The following CUL3 variants were observed in gnomAD, a reference collection of about 807,000 sequenced individuals.
CUL3 encodes cullin 3.
A neutral mutation model predicts 89.1 loss-of-function variants in CUL3; 19 were observed. That is an observed-to-expected ratio of 0.21 (90% CI 0.15 to 0.31). CUL3 has a LOEUF of 0.31. Ranked by LOEUF, CUL3 falls within the 10% of genes least tolerant of loss-of-function variation. The probability of loss-of-function intolerance (pLI) is 1.00; values close to 1 mark genes in which losing one functional copy is unlikely to be tolerated. For synonymous variants in CUL3, 351 were observed against 308.4 expected (o/e 1.14, Z -1.45); for missense variants, 469 against 942.3 (o/e 0.50, Z 6.58).
At chr2:224,571,458 A>T (rs915382181) in intron 1 of CUL3, among the ~76,000 whole-genome samples, 5 of 152,164 alleles carry the variant, frequency 3.3e-5, no homozygotes, top group African/African-American at 1.2e-4. Context: ...AATTGATTGT[A>T]CCTAAATCAA....
At chr2:224,566,061 T>C (rs190173406) in intron 1 of CUL3, among the ~76,000 whole-genome samples, 26 of 152,342 alleles carry the variant, frequency 1.7e-4, no homozygotes, top group Admixed American at 1.6e-3. Flanking sequence ...AAGGTCCTTA[T>C]TGACCCCCCA....
intron 10 of CUL3, among the ~76,000 whole-genome samples, chr2:224,502,063 A>G (rs1692412915): frequency 6.6e-6 from 1 of 152,220 alleles, no homozygotes; most frequent in Non-Finnish European, 1.5e-5. Context: ...GTAAACACTG[A>G]TATTTATAAA....
intron 1 of CUL3, among the ~76,000 whole-genome samples, chr2:224,559,911 A>C (rs1255825465): frequency 6.6e-6 from 1 of 152,040 alleles, no homozygotes; most frequent in African/African-American, 2.4e-5. Context: ...GCAAAAACCC[A>C]TCTCTACTAA....
At chr2:224,579,339 C>G (rs138646050) in intron 1 of CUL3, among the ~76,000 whole-genome samples, 1,692 of 152,264 alleles carry the variant, frequency 0.011, 12 homozygotes, top group Middle Eastern at 0.027. Flanking sequence ...TCAGTGTGAT[C>G]TGCAAGACTA....
chr2:224,569,852 G>T, intron 1 of CUL3: 1 of 990,742 alleles, frequency 1.0e-6, no homozygotes, highest in South Asian at 4.3e-5. Flanking sequence ...CAGGGTGGGT[G>T]GGGGAAAGGG....
intron 1 of CUL3, among the ~76,000 whole-genome samples, chr2:224,565,217 A>C (rs576504007): frequency 6.6e-6 from 1 of 152,336 alleles, no homozygotes; most frequent in East Asian, 1.9e-4. Context: ...TACACACCGT[A>C]TTCTTAGAAT....
chr2:224,511,817 A>G (rs1692836953), intron 5 of CUL3, among the ~76,000 whole-genome samples: 1 of 152,164 alleles, frequency 6.6e-6, no homozygotes, highest in African/African-American at 2.4e-5. Flanking sequence ...TGTTTTTCAA[A>G]CTGTGCCAAT....
At position 224,503,939 on chromosome 2, in the gene CUL3, A is replaced by T; in HGVS notation, c.1207-117T>A. 10 of 749,268 alleles carry T rather than the reference A, an allele frequency of 1.3e-5. No individual in the cohort carries two copies. In the South Asian group the frequency reaches 2.5e-4, roughly 19 times the overall value. The allele number at this position is 749,268 out of a possible 1,614,324, so 46.4% of individuals were successfully genotyped here. On this transcript the variant is annotated intron_variant, in intron 8 of 15. Coordinates refer to ENST00000264414, the MANE Select transcript of CUL3 (RefSeq NM_003590.5). Reference sequence around the variant, plus strand: ...GAAAACATAGATATCTGGTTGACATACATCAAAAAAAGGGATACGGTTTGA... The same window carrying T: ...GAAAACATAGATATCTGGTTGACATTCATCAAAAAAAGGGATACGGTTTGA...
In CUL3 at chr2:224,584,990, C is replaced by A. The variant is rs1695545965; in HGVS notation, c.20G>T (p.Gly7Val). The A allele has an allele frequency of 6.6e-7, 1 of 1,510,566 alleles. No homozygotes were observed. 93.6% of individuals were successfully genotyped at this position (1,510,566 alleles called of 1,614,324 possible). A position where few individuals can be genotyped will look rare whatever the true frequency, so the allele number is the denominator to read the frequency against. Reference sequence around the variant, plus strand: ...CTTGGTGTCCTTCCGGCTGCCCGTGCCTTTGCTCAGATTCGACATGGTGCT... The same window carrying A: ...CTTGGTGTCCTTCCGGCTGCCCGTGACTTTGCTCAGATTCGACATGGTGCT... MSNLSK[G>V]TGSRKDTKMR... Residue 7 changes from glycine to valine, a missense_variant, in exon 1 of 16, where the codon GGC (glycine) becomes GTC (valine). Physicochemically the swap from Gly to Val is moderately radical, Grantham distance 109. Around this residue, in one of 4 missense-constraint regions of CUL3, gnomAD observed 32 missense variants for 29.7 expected, o/e 1.08. Coordinates refer to ENST00000264414, the MANE Select transcript of CUL3 (RefSeq NM_003590.5).
rs1268356291 is a variant in CUL3 at position 224,503,505 on chromosome 2, T to C, written c.1377+147A>G. The stretch of plus-strand genomic sequence containing the variant: ...TGAACTTGAACAAATGTTAGTGTAG[T>C]CTGTGTTCTTCTCCAAAACAATCTA... On this transcript the variant is annotated intron_variant, in intron 9 of 15. Coordinates refer to ENST00000264414, the MANE Select transcript of CUL3 (RefSeq NM_003590.5). 3 of 694,458 alleles carry C rather than the reference T, an allele frequency of 4.3e-6. No homozygotes were observed. In the Admixed American group the frequency reaches 1.1e-4, roughly 25 times the overall value. The allele number at this position is 694,458 out of a possible 1,614,324, so 43.0% of individuals were successfully genotyped here.
In CUL3 at chr2:224,535,635, C is replaced by T. The variant is rs763393047; in HGVS notation, c.271G>A (p.Glu91Lys). The change falls in exon 3 of 16, where the codon GAA becomes AAA. Residue 91 changes from glutamate (E) to lysine (K), a missense_variant. This residue lies in a region of CUL3 where 370 missense variants were observed against 733.2 expected (regional missense o/e 0.50). Transcript: ENST00000264414. ...VTEHLINKVR[E>K]DVLNSLNNNF... ...TTATTCAATGAATTTAGTACATCTT[C>T]TCGCACCTAGTAACAGAAGAGTTCA... 4.3e-6 allele frequency: 7 copies of T among 1,609,270 alleles called. No individual in the cohort carries two copies. In the South Asian group the frequency reaches 6.6e-5, roughly 15 times the overall value.
intron 13 of CUL3, among the ~76,000 whole-genome samples, chr2:224,493,776 T>C (rs1692070043): frequency 6.6e-6 from 1 of 152,178 alleles, no homozygotes; most frequent in African/African-American, 2.4e-5. Context: ...TTGTTTAAAA[T>C]ATTTTATCCA....
At chr2:224,572,713 T>A (rs1695210145) in intron 1 of CUL3, among the ~76,000 whole-genome samples, 1 of 149,816 alleles carries the variant, frequency 6.7e-6, no homozygotes, top group Non-Finnish European at 1.5e-5. Flanking sequence ...TGGGATTAGG[T>A]GGCCTTATAA....
chr2:224,513,777 T>A, intron 4 of CUL3, 139 bp from the exon 5 acceptor site: 3 of 579,380 alleles, frequency 5.2e-6, no homozygotes, highest in East Asian at 3.1e-5. Context: ...AGGCCACTCA[T>A]GTAAAACGAA....
chr2:224,482,105 T>C (rs1329776377), intron 13 of CUL3, 27 bp from the exon 14 acceptor site: 3 of 1,556,188 alleles, frequency 1.9e-6, no homozygotes, highest in African/African-American at 1.4e-5. Context: ...TTAACATAAT[T>C]AGACTTTTTG....
chr2:224,490,619 T>C (rs746961744), intron 13 of CUL3, among the ~76,000 whole-genome samples: 17 of 151,498 alleles, frequency 1.1e-4, no homozygotes, highest in Admixed American at 4.0e-4. Context: ...GGCTGGACCC[T>C]ACAGGGTGAT....
Position 224,514,716 on chromosome 2 carries a change from A to T in CUL3, c.435T>A (p.Ile145=), listed in dbSNP as rs1559159556. Residue 145 remains isoleucine (I), a synonymous_variant, in exon 4 of 16, where the codon ATT becomes ATA. Transcript: ENST00000264414. ...AACGTACAACTTGATCTCGAAAAAT[A>T]ATTAATCCCAAATTGTAGACGTTCT... ...NVENVYNLGL[I]IFRDQVVRYG... is the part of the protein sequence containing the mutation. The T allele has an allele frequency of 6.2e-7, 1 of 1,613,362 alleles. No homozygotes were observed. Among genetic ancestry groups the T allele is most frequent in the Admixed American group, 1.7e-5 (1 of 60,010 alleles).
intron 2 of CUL3, among the ~76,000 whole-genome samples, chr2:224,538,859 C>A (rs1014257485): frequency 7.9e-5 from 12 of 152,106 alleles, no homozygotes; most frequent in African/African-American, 2.9e-4. Context: ...ATTAGAGTCA[C>A]CCGAAGAGCT....
In CUL3 at chr2:224,497,834, T is replaced by C. The variant is rs1692223002; in HGVS notation, c.1626A>G (p.Lys542=). The part of the protein sequence containing the change: ...FEIFRRFYLA[K]HSGRQLTLQH... ...GGAGTGTGAGCTGTCGACCACTGTG[T>C]TTGGCTAAGTAGAACCTTCAGTAAA... The change falls in exon 12 of 16, where the codon AAA becomes AAG. Residue 542 remains lysine, a synonymous_variant. Transcript: ENST00000264414. The C allele has an allele frequency of 1.2e-6, 2 of 1,613,714 alleles. No individual in the cohort carries two copies. The highest frequency in any genetic ancestry group is 1.7e-6 in the Non-Finnish European group (2 of 1,179,748).
Sources: gnomAD v4.1 joint callset for allele counts (sites outside exome capture counted in the v4.1 genomes callset) on GRCh38, gnomAD v4.1.1 for gene constraint, gnomAD v4.1.1 regional missense constraint, MANE v1.5 for transcripts, NCBI Gene and HGNC (gene_info 2026-07-23, HGNC 2026-07-21) for gene names.